The following MTM1 variants were observed in gnomAD, a reference collection of about 807,000 sequenced individuals.
MTM1 encodes the protein myotubularin.
A neutral mutation model predicts 52.1 loss-of-function variants in MTM1; 9 were observed. The ratio of observed to expected loss-of-function variants is 0.17; its 90% CI spans 0.10 to 0.30. The LOEUF (loss-of-function observed/expected upper bound fraction) is 0.30, where lower values mean the gene tolerates loss of function less well. MTM1 is among the 10% of genes least tolerant of loss of function. The pLI, the probability that MTM1 is intolerant of heterozygous loss-of-function variation, is 1.00. For missense variants in MTM1, 277 were observed against 470.7 expected, an observed-to-expected ratio of 0.59 and a Z score of 3.81; for synonymous variants, 136 against 163.8, an observed-to-expected ratio of 0.83 and a Z score of 1.29.
At chrX:150,624,365 TAATA>T (rs1396949862) in intron 6 of MTM1, among the ~76,000 whole-genome samples, 1 of 112,388 alleles carries the variant, frequency 8.9e-6, no homozygotes, top group Non-Finnish European at 1.9e-5. Context: ...TGATATATTT[TAATA>T]AATGTCAGTG....
At chrX:150,668,830 AAGC>A (rs2040346777) in intron 14 of MTM1, among the ~76,000 whole-genome samples, 1 of 112,099 alleles carries the variant, frequency 8.9e-6, no homozygotes, top group Non-Finnish European at 1.9e-5. Context: ...ACACAGTAGA[AAGC>A]AGGATGGTTC....
In MTM1 at chrX:150,672,952, A is replaced by G. The variant is rs1452159992; in HGVS notation, c.*1357A>G. 3 of 112,629 alleles carry G rather than the reference A, an allele frequency of 2.7e-5. No homozygotes were observed. The highest frequency in any genetic ancestry group is 9.4e-5 in the Admixed American group (1 of 10,636). 9.3% of individuals were successfully genotyped at this position (112,629 alleles called of 1,213,427 possible). On this transcript the variant is annotated 3_prime_UTR_variant, in exon 15 of 15. Coordinates refer to ENST00000370396, the MANE Select transcript of MTM1 (RefSeq NM_000252.3). The stretch of plus-strand genomic sequence containing the variant: ...AGTATAATGTATGAATTTTGTAAGT[A>G]TAAGAAATTTTATTAGACATTCTCT...
At chrX:150,641,046 C>T (rs1557413839) in intron 7 of MTM1, among the ~76,000 whole-genome samples, 2 of 111,880 alleles carry the variant, frequency 1.8e-5, no homozygotes, top group African/African-American at 3.3e-5. Flanking sequence ...TCTGTATTTA[C>T]AAAGTATAGT....
intron 1 of MTM1, among the ~76,000 whole-genome samples, chrX:150,590,514 ATTGT>A (rs1228047850): frequency 9.0e-6 from 1 of 111,388 alleles, no homozygotes; most frequent in Non-Finnish European, 1.9e-5. Flanking sequence ...TCTAAAATTG[ATTGT>A]GGTGATGGGT....
At chrX:150,662,354 G>A (rs1252634663) in intron 13 of MTM1, among the ~76,000 whole-genome samples, 6 of 111,494 alleles carry the variant, frequency 5.4e-5, no homozygotes, top group Admixed American at 9.5e-5. Context: ...ATGGAGTTTC[G>A]CTCTTGTCAC....
chrX:150,649,616 T>G (rs1217242423), intron 9 of MTM1, 100 bp from the exon 10 acceptor site: 2 of 736,666 alleles, frequency 2.7e-6, no homozygotes, highest in Non-Finnish European at 4.2e-6. Context: ...AATTGGAGGG[T>G]TTGGGGTTAT....
chrX:150,587,821 G>A (rs1327672876), intron 1 of MTM1, among the ~76,000 whole-genome samples: 2 of 111,780 alleles, frequency 1.8e-5, no homozygotes, highest in Non-Finnish European at 3.8e-5. Context: ...AATTGGAAAT[G>A]GGGGCATGTT....
intron 8 of MTM1, among the ~76,000 whole-genome samples, chrX:150,645,436 A>G (rs955187761): frequency 4.4e-5 from 5 of 112,434 alleles, no homozygotes; most frequent in Non-Finnish European, 5.6e-5. Context: ...TAGGTAAGCA[A>G]TTAATTTATA....
intron 13 of MTM1, 50 bp from the exon 14 acceptor site, chrX:150,663,383 A>C: frequency 8.5e-7 from 1 of 1,181,974 alleles, no homozygotes; most frequent in Non-Finnish European, 1.1e-6. Flanking sequence ...TTGTGGATTT[A>C]TGTGTGTTTT....
Position 150,672,770 on chromosome X carries a change from G to T in MTM1, c.*1175G>T, listed in dbSNP as rs2040414518. The T allele has an allele frequency of 8.9e-6, 1 of 111,946 alleles. No homozygotes were observed. The highest frequency in any genetic ancestry group is 1.9e-5 in the Non-Finnish European group (1 of 53,198). The allele number at this position is 111,946 out of a possible 1,213,427, so 9.2% of individuals were successfully genotyped here. A position where few individuals can be genotyped will look rare whatever the true frequency, so the allele number is the denominator to read the frequency against. On this transcript the variant is annotated 3_prime_UTR_variant, in exon 15 of 15. Coordinates refer to ENST00000370396, the MANE Select transcript of MTM1 (RefSeq NM_000252.3). ...TATATTTGTAAAAGCTAAGGCTCGA[G>T]TTAAAACAATGAAGTGTTTTACAAT... is the stretch of plus-strand genomic sequence containing the variant.
At chrX:150,628,411 T>C (rs1376196295) in intron 6 of MTM1, among the ~76,000 whole-genome samples, 1 of 111,594 alleles carries the variant, frequency 9.0e-6, no homozygotes, top group Non-Finnish European at 1.9e-5. Flanking sequence ...TTCTGGCTCC[T>C]CTGCATCCTT....
At chrX:150,586,169 A>G (rs1391936652) in intron 1 of MTM1, among the ~76,000 whole-genome samples, 2 of 112,482 alleles carry the variant, frequency 1.8e-5, no homozygotes, top group African/African-American at 6.5e-5. Flanking sequence ...ATAGCATCAT[A>G]TAATTTTCAA....
intron 1 of MTM1, among the ~76,000 whole-genome samples, chrX:150,570,482 G>A (rs2038350892): frequency 1.8e-5 from 2 of 111,473 alleles, no homozygotes; most frequent in South Asian, 7.5e-4. Context: ...TAGATGGTAA[G>A]CTCATCCCAG....
At chrX:150,625,711 C>CA (rs1335726350) in intron 6 of MTM1, among the ~76,000 whole-genome samples, 3 of 112,732 alleles carry the variant, frequency 2.7e-5, no homozygotes, top group African/African-American at 9.7e-5. Flanking sequence ...TTTCCTTTCA[C>CA]ATTCTGCATG....
chrX:150,631,180 G>C (rs1557413562), intron 6 of MTM1, among the ~76,000 whole-genome samples: 1 of 112,549 alleles, frequency 8.9e-6, no homozygotes, highest in Non-Finnish European at 1.9e-5. Flanking sequence ...AATCTTACCA[G>C]TGAGGGAATG....
At chrX:150,635,315 A>G (rs2039737362) in intron 6 of MTM1, among the ~76,000 whole-genome samples, 1 of 112,431 alleles carries the variant, frequency 8.9e-6, no homozygotes, top group Non-Finnish European at 1.9e-5. Flanking sequence ...CTTGATGGTT[A>G]TAGTGGAAAA....
intron 4 of MTM1, among the ~76,000 whole-genome samples, chrX:150,602,367 A>T (rs1315899458): frequency 8.9e-6 from 1 of 111,772 alleles, no homozygotes; most frequent in African/African-American, 3.3e-5. Flanking sequence ...TGTCATATTT[A>T]TTTGCTGCTA....
chrX:150,578,789 A>G (rs1471519243), intron 1 of MTM1, among the ~76,000 whole-genome samples: 1 of 109,398 alleles, frequency 9.1e-6, no homozygotes, highest in Middle Eastern at 4.3e-3. Flanking sequence ...GAGGCATTAT[A>G]ATAAGTCTGG....
intron 4 of MTM1, among the ~76,000 whole-genome samples, chrX:150,608,874 G>A (rs1227401144): frequency 9.0e-6 from 1 of 110,575 alleles, no homozygotes; most frequent in Non-Finnish European, 1.9e-5. Flanking sequence ...CTTGTCCCCC[G>A]GCTAGAGGGC....
Sources: allele counts gnomAD v4.1 joint callset (sites outside exome capture counted in the v4.1 genomes callset), GRCh38; gene constraint gnomAD v4.1.1; transcripts MANE v1.5; gene names NCBI Gene and HGNC (gene_info 2026-07-23, HGNC 2026-07-21).